APH1B: variants seen among roughly 807,000 people sequenced by gnomAD.
APH1B encodes the protein gamma-secretase subunit APH-1B.
Under a neutral mutation model 28.2 loss-of-function variants are expected in APH1B, and 27 were observed. The observed-to-expected ratio is 0.96, with a 90% CI of 0.70 to 1.32. The LOEUF (loss-of-function observed/expected upper bound fraction) is 1.32. Ranked by LOEUF, APH1B falls within the 40% of genes most tolerant of loss-of-function variation. The pLI, the probability that APH1B is intolerant of heterozygous loss-of-function variation, is 0.00. For synonymous variants in APH1B, 141 were observed against 124.6 expected (o/e 1.13, Z -0.88); for missense variants, 305 against 313.6 (o/e 0.97, Z 0.21).
At chr15:63,299,719 A>T (rs981224600) in intron 4 of APH1B, among the ~76,000 whole-genome samples, 2 of 151,984 alleles carry the variant, frequency 1.3e-5, no homozygotes, top group African/African-American at 4.8e-5. Context: ...GAGCATTTTT[A>T]AATGAACTGT....
At position 63,287,474 on chromosome 15, in the gene APH1B, A is replaced by C; in HGVS notation, c.406A>C (p.Thr136Pro). ...IMSGVFSFVN[T>P]LSDSLGPGTV... is the part of the protein sequence containing the mutation. ...GAGTGGAGTATTTTCCTTTGTGAAT[A>C]CCCTATCTGACTCCTTGGGGCCAGG... Residue 136 changes from threonine (T) to proline (P), a missense_variant, in exon 4 of 6, where the codon ACC becomes CCC. Thr to Pro is a conservative substitution (Grantham distance 38). Transcript: ENST00000261879. 1 of 1,613,948 alleles carries C rather than the reference A, an allele frequency of 6.2e-7. No individual in the cohort carries two copies. Among genetic ancestry groups the C allele is most frequent in the Non-Finnish European group, 8.5e-7 (1 of 1,179,904 alleles).
In APH1B at chr15:63,277,621, G is replaced by C. The variant is rs2038337192; in HGVS notation, c.-3G>C. The C allele has an allele frequency of 5.1e-6, 8 of 1,576,824 alleles. No homozygotes were observed. The highest frequency in any genetic ancestry group is 6.9e-6 in the Non-Finnish European group (8 of 1,162,360). On this transcript the variant is annotated 5_prime_UTR_variant, in exon 1 of 6. Coordinates refer to ENST00000261879, the MANE Select transcript of APH1B (RefSeq NM_031301.4). ...GGCCCCCGGGTCGGTTTCCGCGGTG[G>C]CCATGACTGCGGCCGTGTTCTTCGG...
Position 63,305,763 on chromosome 15 carries a change from C to T in APH1B, c.756C>T (p.Tyr252=). ...GCCAAGACAAGAACTTTCTTCTTTA[C>T]AACCAGCGCTCCAGATAACCTCAGG... is the stretch of plus-strand genomic sequence containing the variant. ...LLCQDKNFLL[Y]NQRSR The change falls in exon 6 of 6, where the codon TAC becomes TAT. Residue 252 remains tyrosine (Y), a synonymous_variant. Transcript: ENST00000261879. 1 of 1,614,096 alleles carries T rather than the reference C, an allele frequency of 6.2e-7. No homozygotes were observed. Among genetic ancestry groups the T allele is most frequent in the African/African-American group, 1.3e-5 (1 of 75,050 alleles).
At chr15:63,301,943 A>G (rs1158929281) in intron 4 of APH1B, among the ~76,000 whole-genome samples, 2 of 152,142 alleles carry the variant, frequency 1.3e-5, no homozygotes, top group African/African-American at 4.8e-5. Flanking sequence ...GCTCTTTTTC[A>G]AAAGGATCCG....
At chr15:63,300,436 T>C (rs376440124) in intron 4 of APH1B, among the ~76,000 whole-genome samples, 4 of 152,322 alleles carry the variant, frequency 2.6e-5, no homozygotes, top group East Asian at 1.9e-4. Flanking sequence ...AATGAACACC[T>C]TATGATTTCT....
intron 4 of APH1B, among the ~76,000 whole-genome samples, chr15:63,295,531 A>C (rs2038556368): frequency 6.6e-6 from 1 of 152,254 alleles, no homozygotes; most frequent in South Asian, 2.1e-4. Context: ...CCTTCTCAGG[A>C]TCAGTGAGCA....
At chr15:63,283,629 C>T (rs959857987) in intron 2 of APH1B, among the ~76,000 whole-genome samples, 1 of 152,124 alleles carries the variant, frequency 6.6e-6, no homozygotes, top group African/African-American at 2.4e-5. Context: ...AATATTTTCT[C>T]CCATCTGTGT....
chr15:63,302,629 CA>C, intron 5 of APH1B, 157 bp downstream of exon 5: 1 of 956,556 alleles, frequency 1.0e-6, no homozygotes, highest in Non-Finnish European at 1.4e-6. Context: ...AGTCTTACCA[CA>C]AAAAGACCAC....
intron 5 of APH1B, among the ~76,000 whole-genome samples, chr15:63,302,829 A>AT (rs1491568220): frequency 6.6e-6 from 1 of 152,066 alleles, no homozygotes; most frequent in African/African-American, 2.4e-5. Context: ...CGTATAACAC[A>AT]TGTGTCCTTG....
At chr15:63,282,783 G>T (rs375768409) in intron 2 of APH1B, among the ~76,000 whole-genome samples, 6 of 152,056 alleles carry the variant, frequency 3.9e-5, no homozygotes, top group African/African-American at 1.4e-4. Context: ...AAAACATTAA[G>T]ATAACCATTG....
At position 63,307,800 on chromosome 15, in the gene APH1B, T is replaced by C. The variant is rs1204413824; in HGVS notation, c.*2019T>C. ...GGATGTTCTCTGTACGCCGATGGTT[T>C]CATATTAACTAAAAAAGCTGGGTAT... On this transcript the variant is annotated 3_prime_UTR_variant, in exon 6 of 6. Coordinates refer to ENST00000261879, the MANE Select transcript of APH1B (RefSeq NM_031301.4). 6.6e-6 allele frequency: 1 copy of C among 152,228 alleles called. No individual in the cohort carries two copies. Among genetic ancestry groups the C allele is most frequent in the Non-Finnish European group, 1.5e-5 (1 of 68,040 alleles). 9.4% of individuals were successfully genotyped at this position (152,228 alleles called of 1,614,324 possible).
chr15:63,305,477 G>T lies in APH1B; in HGVS notation c.607-137G>T. ...GTTCTACATGCCTCAGGGCCTTAAC[G>T]CATGACACACATCATACGTTTGGTG... On this transcript the variant is annotated intron_variant, in intron 5 of 5. Transcript: ENST00000261879. 2 of 969,844 alleles carry T rather than the reference G, an allele frequency of 2.1e-6. 1 individual carries two copies. Among genetic ancestry groups the T allele is most frequent in the South Asian group, 3.2e-5 (2 of 61,870 alleles). 60.1% of individuals were successfully genotyped at this position (969,844 alleles called of 1,614,324 possible). A position where few individuals can be genotyped will look rare whatever the true frequency, so the allele number is the denominator to read the frequency against.
chr15:63,305,487 C>T, intron 5 of APH1B, 127 bp from the exon 6 acceptor site: 1 of 1,050,238 alleles, frequency 9.5e-7, no homozygotes, highest in South Asian at 1.5e-5. Context: ...GCATGACACA[C>T]ATCATACGTT....
chr15:63,281,669 A>C (rs1199249852), intron 2 of APH1B, among the ~76,000 whole-genome samples: 4 of 151,860 alleles, frequency 2.6e-5, no homozygotes, highest in Non-Finnish European at 5.9e-5. Context: ...TTGCATCTTC[A>C]TGGTTTCCAC....
chr15:63,277,786 C>A, intron 1 of APH1B, 50 bp downstream of exon 1: 1 of 1,556,816 alleles, frequency 6.4e-7, no homozygotes. Flanking sequence ...CCCTCCCCCG[C>A]TGGGGTTACC....
rs2038712955 is a variant in APH1B, at chr15:63,308,757, C to G, written c.*2976C>G. ...GTGACGGGCACCAGCGGCCTGATTCCAGGGAAGAGTTCCTGGAGGGTGTTG... is the reference window on the plus strand; with the variant it reads ...GTGACGGGCACCAGCGGCCTGATTCGAGGGAAGAGTTCCTGGAGGGTGTTG... On this transcript the variant is annotated 3_prime_UTR_variant, in exon 6 of 6. Coordinates refer to ENST00000261879, the MANE Select transcript of APH1B (RefSeq NM_031301.4). 1 of 152,252 alleles carries G rather than the reference C, an allele frequency of 6.6e-6. No homozygotes were observed. The highest frequency in any genetic ancestry group is 2.4e-5 in the African/African-American group (1 of 41,464). 9.4% of individuals were successfully genotyped at this position (152,252 alleles called of 1,614,324 possible).
chr15:63,302,438 T>C lies in APH1B; in HGVS notation c.572T>C (p.Ile191Thr), dbSNP rs781192914. The change falls in exon 5 of 6, where the codon ATC becomes ACC. Residue 191 changes from isoleucine to threonine, a missense_variant. By Grantham distance (89) the Ile-to-Thr change is moderately conservative. Coordinates refer to ENST00000261879, the MANE Select transcript of APH1B (RefSeq NM_031301.4). ...AAGAAAAAGTGGGGCATCCTCCTTA[T>C]CGTTCTCCTGACCCACCTGCTGGTG... Reference protein sequence around the residue: ...CEKKKWGILLIVLLTHLLVSA... With the variant: ...CEKKKWGILLTVLLTHLLVSA... 6.2e-7 allele frequency: 1 copy of C among 1,614,074 alleles called. No homozygotes were observed. Among genetic ancestry groups the C allele is most frequent in the Non-Finnish European group, 8.5e-7 (1 of 1,179,994 alleles).
intron 4 of APH1B, among the ~76,000 whole-genome samples, chr15:63,296,385 C>A (rs1181797154): frequency 6.6e-6 from 1 of 152,238 alleles, no homozygotes; most frequent in Non-Finnish European, 1.5e-5. Context: ...TGGCTGCCAC[C>A]ACCCAGCAGC....
chr15:63,284,850 A>G (rs951435326), intron 2 of APH1B, among the ~76,000 whole-genome samples: 1 of 152,212 alleles, frequency 6.6e-6, no homozygotes, highest in Non-Finnish European at 1.5e-5. Flanking sequence ...CCACATGGAT[A>G]CAAGTCTTTT....
Sources: allele counts gnomAD v4.1 joint callset (sites outside exome capture counted in the v4.1 genomes callset), GRCh38; gene constraint gnomAD v4.1.1; transcripts MANE v1.5; gene names NCBI Gene and HGNC (gene_info 2026-07-23, HGNC 2026-07-21).